KCNN2: variants seen among roughly 807,000 people sequenced by gnomAD.
The protein encoded by KCNN2 is small conductance calcium-activated potassium channel protein 2.
In KCNN2, 24 loss-of-function variants were observed where a neutral mutation model predicts 55.5. That is an observed-to-expected ratio of 0.43 (90% CI 0.31 to 0.61). The LOEUF is 0.61. Ranked by LOEUF, KCNN2 falls within the 20% of genes least tolerant of loss-of-function variation. The pLI is 0.08. For synonymous variants in KCNN2, 431 were observed against 336.1 expected (o/e 1.28, Z -3.09); for missense variants, 754 against 853.6 (o/e 0.88, Z 1.45).
intron 1 of KCNN2, among the ~76,000 whole-genome samples, chr5:114,197,899 C>T (rs976427311): frequency 2.0e-5 from 3 of 152,082 alleles, no homozygotes; most frequent in African/African-American, 7.2e-5. Flanking sequence ...TAATAGGTTT[C>T]CTTGAATGAA....
chr5:114,152,882 G>T (rs1752555224), intron 1 of KCNN2, among the ~76,000 whole-genome samples: 1 of 152,156 alleles, frequency 6.6e-6, no homozygotes, highest in Non-Finnish European at 1.5e-5. Context: ...CTAAAGTACA[G>T]AGAGCGCTGA....
Position 114,272,305 on chromosome 5 carries a change from C to G in KCNN2, c.-185+50740C>G, listed in dbSNP as rs532221885. 1.1e-3 allele frequency among the ~76,000 whole-genome samples: 51 copies of G among 44,464 alleles called. 1 individual carries two copies. The South Asian group carries it at 0.028, about 24-fold the overall frequency. The allele number at this position is 44,464 out of a possible 152,430, so 29.2% of individuals were successfully genotyped here. ...CACACACATATATGTATGTACATAT[C>G]ACACACACACATATATGTATGTACA... On this transcript the variant is annotated intron_variant, in intron 2 of 10. Transcript: ENST00000512097.
chr5:114,242,449 A>G (rs955647881), intron 2 of KCNN2, among the ~76,000 whole-genome samples: 3 of 152,220 alleles, frequency 2.0e-5, no homozygotes, highest in East Asian at 1.9e-4. Context: ...CCAGTTCTCT[A>G]TAACTATTTA....
chr5:114,431,736 G>C (rs1759800398), intron 3 of KCNN2, among the ~76,000 whole-genome samples: 1 of 151,996 alleles, frequency 6.6e-6, no homozygotes. Flanking sequence ...TTCCTTCCAA[G>C]TACTGCTTTT....
intron 4 of KCNN2, among the ~76,000 whole-genome samples, chr5:114,465,821 T>C (rs1283738369): frequency 2.0e-5 from 3 of 152,208 alleles, no homozygotes; most frequent in African/African-American, 7.2e-5. Flanking sequence ...TCAAAATTGG[T>C]TTACTTGCAT....
At chr5:114,121,983 G>A (rs1315575406) in intron 1 of KCNN2, among the ~76,000 whole-genome samples, 3 of 152,180 alleles carry the variant, frequency 2.0e-5, no homozygotes, top group Non-Finnish European at 4.4e-5. Context: ...CAATTTTGAA[G>A]AGTAAATTTA....
intron 4 of KCNN2, among the ~76,000 whole-genome samples, chr5:114,468,894 A>G (rs1395004805): frequency 6.6e-6 from 1 of 152,144 alleles, no homozygotes; most frequent in African/African-American, 2.4e-5. Context: ...TATTTGCAGG[A>G]TCAGCATAAG....
intron 1 of KCNN2, among the ~76,000 whole-genome samples, chr5:114,087,389 C>G (rs1291222355): frequency 1.3e-5 from 2 of 152,062 alleles, no homozygotes; most frequent in African/African-American, 2.4e-5. Context: ...AGGTTTTCTT[C>G]TAGGATTCTT....
chr5:114,126,994 A>G (rs1751946970), intron 1 of KCNN2, among the ~76,000 whole-genome samples: 1 of 152,210 alleles, frequency 6.6e-6, no homozygotes, highest in Non-Finnish European at 1.5e-5. Context: ...TCTGATATCC[A>G]GGTCGCGCTG....
chr5:114,100,293 T>G lies in KCNN2; in HGVS notation c.-271+43793T>G, dbSNP rs1212550780. 2.0e-5 allele frequency among the ~76,000 whole-genome samples: 3 copies of G among 152,158 alleles called. No individual in the cohort carries two copies. In the East Asian group the frequency reaches 5.8e-4, roughly 29 times the overall value. On this transcript the variant is annotated intron_variant, in intron 1 of 10. Coordinates refer to the KCNN2 transcript ENST00000512097. ...AAAAAATAGTAGTCCAGGTAGATTT[T>G]ATAGATGGAGCTCTAGCTTTCTTCC...
chr5:114,181,414 T>C (rs945519142), intron 1 of KCNN2, among the ~76,000 whole-genome samples: 2 of 152,352 alleles, frequency 1.3e-5, no homozygotes, highest in East Asian at 3.9e-4. Flanking sequence ...TTGTGAAGTG[T>C]TTTCAAATAC....
At chr5:114,176,678 A>C (rs752288422) in intron 1 of KCNN2, among the ~76,000 whole-genome samples, 4 of 152,210 alleles carry the variant, frequency 2.6e-5, no homozygotes, top group Non-Finnish European at 4.4e-5. Context: ...GTTCTTCTAC[A>C]CATTTATTAA....
chr5:114,221,175 C>T (rs947828766), intron 1 of KCNN2, among the ~76,000 whole-genome samples: 1 of 152,110 alleles, frequency 6.6e-6, no homozygotes, highest in Non-Finnish European at 1.5e-5. Flanking sequence ...GGTTTTCAGC[C>T]CCCACTTGCT....
At chr5:114,390,656 C>G (rs1048188591) in intron 2 of KCNN2, among the ~76,000 whole-genome samples, 1 of 152,026 alleles carries the variant, frequency 6.6e-6, no homozygotes, top group African/African-American at 2.4e-5. Flanking sequence ...TGTGGCATGT[C>G]GAAATCAACC....
intron 3 of KCNN2, among the ~76,000 whole-genome samples, chr5:114,423,576 A>G (rs1398813284): frequency 2.2e-4 from 33 of 152,202 alleles, no homozygotes; most frequent in Admixed American, 2.2e-3. Context: ...AAAGAGATAT[A>G]AAATTTCTTA....
intron 3 of KCNN2, among the ~76,000 whole-genome samples, chr5:114,436,448 A>C (rs1156708846): frequency 6.6e-6 from 1 of 152,228 alleles, no homozygotes; most frequent in African/African-American, 2.4e-5. Context: ...CAGATTAAAC[A>C]ATCTTGATTT....
At chr5:114,342,740 T>G (rs1431635540) in intron 2 of KCNN2, among the ~76,000 whole-genome samples, 1 of 152,218 alleles carries the variant, frequency 6.6e-6, no homozygotes, top group Non-Finnish European at 1.5e-5. Context: ...TAATTTAGTT[T>G]TCTTGATCAC....
At chr5:114,340,608 A>T (rs1313125781) in intron 2 of KCNN2, among the ~76,000 whole-genome samples, 3 of 152,196 alleles carry the variant, frequency 2.0e-5, no homozygotes, top group Admixed American at 2.0e-4. Flanking sequence ...TGAAATAGTT[A>T]CAACAGTAAA....
chr5:114,168,192 C>CAT (rs1352144456), intron 1 of KCNN2, among the ~76,000 whole-genome samples: 1 of 151,626 alleles, frequency 6.6e-6, no homozygotes, highest in Non-Finnish European at 1.5e-5. Context: ...CACACACACA[C>CAT]ACACACACAA....
Sources: allele counts gnomAD v4.1 joint callset (sites outside exome capture counted in the v4.1 genomes callset), GRCh38; gene constraint gnomAD v4.1.1; transcripts MANE v1.5; gene names NCBI Gene and HGNC (gene_info 2026-07-23, HGNC 2026-07-21).